The following NELL1 variants were observed in gnomAD, a reference collection of about 807,000 sequenced individuals.
The protein encoded by NELL1 is protein kinase C-binding protein NELL1.
In NELL1, 76 loss-of-function variants were observed where a neutral mutation model predicts 107.4. The ratio of observed to expected loss-of-function variants is 0.71; its 90% CI spans 0.59 to 0.86. The LOEUF is 0.86. NELL1 is among the 40% of genes least tolerant of loss of function. NELL1 has a pLI of 0.00. For synonymous variants in NELL1, 353 were observed against 341.2 expected (o/e 1.03, Z -0.38); for missense variants, 1,024 against 1,005.5 (o/e 1.02, Z -0.25).
chr11:21,546,600 C>T (rs919713997), intron 16 of NELL1, among the ~76,000 whole-genome samples: 4 of 151,952 alleles, frequency 2.6e-5, no homozygotes, highest in Non-Finnish European at 5.9e-5. Flanking sequence ...CCCCTGCACA[C>T]ACTCTATTGC....
At chr11:20,739,317 A>C (rs1200260010) in intron 2 of NELL1, among the ~76,000 whole-genome samples, 1 of 152,192 alleles carries the variant, frequency 6.6e-6, no homozygotes, top group African/African-American at 2.4e-5. Context: ...GAAATGATGA[A>C]CCGTCAATGT....
intron 15 of NELL1, among the ~76,000 whole-genome samples, chr11:21,378,595 A>C (rs1163890681): frequency 6.6e-6 from 1 of 151,968 alleles, no homozygotes; most frequent in Non-Finnish European, 1.5e-5. Flanking sequence ...GTGACTCCAA[A>C]CCTTGTGTTC....
At chr11:20,815,078 T>C (rs1458145826) in intron 3 of NELL1, among the ~76,000 whole-genome samples, 1 of 152,164 alleles carries the variant, frequency 6.6e-6, no homozygotes, top group African/African-American at 2.4e-5. Context: ...TTTGTTTTTT[T>C]GTTTGAGACA....
chr11:21,047,870 C>G (rs1389818845), intron 12 of NELL1, among the ~76,000 whole-genome samples: 1 of 152,150 alleles, frequency 6.6e-6, no homozygotes, highest in East Asian at 1.9e-4. Context: ...CGAATGGACA[C>G]TGCTCCCCAG....
At chr11:21,484,403 A>G (rs1285637254) in intron 15 of NELL1, among the ~76,000 whole-genome samples, 2 of 151,750 alleles carry the variant, frequency 1.3e-5, no homozygotes, top group Non-Finnish European at 2.9e-5. Context: ...ACATTGCTTT[A>G]TGGTGCTCAA....
At chr11:20,918,092 A>T (rs1296248229) in intron 5 of NELL1, 90 bp from the exon 6 acceptor site, 9 of 777,466 alleles carry the variant, frequency 1.2e-5, no homozygotes, top group Non-Finnish European at 1.8e-5. Context: ...TTGAAAAATA[A>T]TCTGACCTGC....
intron 2 of NELL1, among the ~76,000 whole-genome samples, chr11:20,725,969 T>C (rs1855498552): frequency 1.3e-5 from 2 of 152,162 alleles, no homozygotes; most frequent in South Asian, 4.1e-4. Flanking sequence ...TCCCAATGTT[T>C]AGCTCCCAGT....
chr11:20,981,564 A>G (rs1851749876), intron 12 of NELL1, among the ~76,000 whole-genome samples: 1 of 152,210 alleles, frequency 6.6e-6, no homozygotes, highest in Non-Finnish European at 1.5e-5. Context: ...TGAGCAGAGC[A>G]GAGCCATACT....
In NELL1 at chr11:20,865,827, G is replaced by A. The variant is rs550094191; in HGVS notation, c.506+18074G>A. ...TGCCTGTACTTCTGTAAACAATGCC[G>A]TTTAATCTATTATTCTCTTTGCAAA... On this transcript the variant is annotated intron_variant, in intron 4 of 19. Transcript: ENST00000357134. 4.6e-5 allele frequency among the ~76,000 whole-genome samples: 7 copies of A among 152,204 alleles called. No homozygotes were observed. The East Asian group carries it at 5.8e-4, about 13-fold the overall frequency.
At chr11:21,034,634 G>A (rs934804017) in intron 12 of NELL1, among the ~76,000 whole-genome samples, 7 of 152,234 alleles carry the variant, frequency 4.6e-5, no homozygotes, top group African/African-American at 1.4e-4. Context: ...TTAATAATAT[G>A]CTCCTGAATA....
chr11:20,882,122 G>T (rs1270835808), intron 4 of NELL1, among the ~76,000 whole-genome samples: 2 of 152,178 alleles, frequency 1.3e-5, no homozygotes, highest in African/African-American at 4.8e-5. Context: ...GGGACCAGCA[G>T]CCTTTGTGCT....
chr11:21,167,008 T>C (rs1339785752), intron 13 of NELL1, among the ~76,000 whole-genome samples: 1 of 151,910 alleles, frequency 6.6e-6, no homozygotes, highest in Non-Finnish European at 1.5e-5. Flanking sequence ...CTTTATATAC[T>C]GAGTAACAGG....
rs1250432851 is a variant in NELL1 at position 21,300,447 on chromosome 11, T to TA, written c.1550-70404dup. Among the ~76,000 whole-genome samples, 35 of 151,978 alleles carry TA rather than the reference T, an allele frequency of 2.3e-4. 1 individual carries two copies. Among genetic ancestry groups the TA allele is most frequent in the African/African-American group, 8.0e-4 (33 of 41,394 alleles). On this transcript the variant is annotated intron_variant, in intron 14 of 19. Coordinates refer to ENST00000357134, the MANE Select transcript of NELL1 (RefSeq NM_006157.5). ...TTTCTGGGCTAGGACATGGGTTTTT[T>TA]AATAAGCTGAAGAGTGATGAGAAGT...
At chr11:20,927,202 G>A (rs1235412774) in intron 7 of NELL1, 106 bp from the exon 8 acceptor site, 8 of 1,034,828 alleles carry the variant, frequency 7.7e-6, no homozygotes, top group Middle Eastern at 2.4e-4. Flanking sequence ...ACTGCTCTGA[G>A]CATTTTTTTC....
At chr11:20,732,812 G>C (rs2133923997) in intron 2 of NELL1, among the ~76,000 whole-genome samples, 1 of 152,254 alleles carries the variant, frequency 6.6e-6, no homozygotes. Flanking sequence ...ATTGTCGGCG[G>C]GGAGGCATGG....
intron 12 of NELL1, among the ~76,000 whole-genome samples, chr11:20,974,133 TC>T (rs1851556691): frequency 6.6e-6 from 1 of 152,226 alleles, no homozygotes; most frequent in Non-Finnish European, 1.5e-5. Flanking sequence ...GATTGTTTTT[TC>T]CCTAGCACCT....
chr11:21,415,080 C>T (rs1344226429), intron 15 of NELL1, among the ~76,000 whole-genome samples: 3 of 152,116 alleles, frequency 2.0e-5, no homozygotes, highest in Non-Finnish European at 2.9e-5. Context: ...CTATTCACTC[C>T]TGCAGGGCTG....
intron 15 of NELL1, among the ~76,000 whole-genome samples, chr11:21,376,669 T>C (rs925234756): frequency 5.3e-5 from 8 of 152,160 alleles, no homozygotes; most frequent in Non-Finnish European, 1.2e-4. Context: ...ATATTGATTC[T>C]TCCAATCCAT....
At chr11:21,040,775 GA>G (rs1480944696) in intron 12 of NELL1, among the ~76,000 whole-genome samples, 1 of 152,028 alleles carries the variant, frequency 6.6e-6, no homozygotes, top group South Asian at 2.1e-4. Flanking sequence ...TGGATTGTTA[GA>G]AAAAAATAAC....
Sources: allele counts gnomAD v4.1 joint callset (sites outside exome capture counted in the v4.1 genomes callset), GRCh38; gene constraint gnomAD v4.1.1; transcripts MANE v1.5; gene names NCBI Gene and HGNC (gene_info 2026-07-23, HGNC 2026-07-21).